Variants in CALHM5 observed in about 807,000 individuals in gnomAD.
CALHM5 encodes the protein calcium homeostasis modulator protein 5.
A neutral mutation model predicts 20.9 loss-of-function variants in CALHM5; 17 were observed. That is an observed-to-expected ratio of 0.82 (90% CI 0.56 to 1.22). The LOEUF is 1.22. Ranked by LOEUF, CALHM5 falls within the 50% of genes most tolerant of loss-of-function variation. The pLI is 0.00. For missense variants in CALHM5, 360 were observed against 364.6 expected (o/e 0.99, Z 0.10); for synonymous variants, 148 against 140.0 (o/e 1.06, Z -0.40).
In CALHM5 at chr6:116,517,866, G is replaced by C. The variant is rs1272424168; in HGVS notation, c.*1877G>C. 1 of 152,090 alleles carries C rather than the reference G, an allele frequency of 6.6e-6. No homozygotes were observed. Among genetic ancestry groups the C allele is most frequent in the Admixed American group, 6.5e-5 (1 of 15,270 alleles). The allele number at this position is 152,090 out of a possible 1,614,324, so 9.4% of individuals were successfully genotyped here. ...GCTGAAGGTTGAGTCGATCACAAAT[G>C]GATAATGATTTAATCAATCATGCCT... On this transcript the variant is annotated 3_prime_UTR_variant, in exon 2 of 2. Coordinates refer to ENST00000368599, the MANE Select transcript of CALHM5 (RefSeq NM_153711.5).
Position 116,516,837 on chromosome 6 carries a change from C to T in CALHM5, c.*848C>T, listed in dbSNP as rs998035033. On this transcript the variant is annotated 3_prime_UTR_variant, in exon 2 of 2. Coordinates refer to ENST00000368599, the MANE Select transcript of CALHM5 (RefSeq NM_153711.5). ...GAAATTAAAAACATTTTAGTGGGCCCTTACAAGTATTATGGTCCTTAGGCA... is the reference window on the plus strand; with the variant it reads ...GAAATTAAAAACATTTTAGTGGGCCTTTACAAGTATTATGGTCCTTAGGCA... 2.6e-4 allele frequency: 39 copies of T among 151,956 alleles called. No individual in the cohort carries two copies. The highest frequency in any genetic ancestry group is 9.2e-4 in the African/African-American group (38 of 41,426). The allele number at this position is 151,956 out of a possible 1,614,324, so 9.4% of individuals were successfully genotyped here.
At chr6:116,513,271 C>T (rs553849955) in intron 1 of CALHM5, among the ~76,000 whole-genome samples, 21 of 152,338 alleles carry the variant, frequency 1.4e-4, no homozygotes, top group South Asian at 4.1e-4. Flanking sequence ...GCAGTAAAGT[C>T]ATACTCTTCA....
Position 116,519,481 on chromosome 6 carries a change from C to G in CALHM5, c.*3492C>G, listed in dbSNP as rs1315224540. 1 of 152,148 alleles carries G rather than the reference C, an allele frequency of 6.6e-6. No homozygotes were observed. The highest frequency in any genetic ancestry group is 1.5e-5 in the Non-Finnish European group (1 of 68,040). The allele number at this position is 152,148 out of a possible 1,614,324, so 9.4% of individuals were successfully genotyped here. A position where few individuals can be genotyped will look rare whatever the true frequency, so the allele number is the denominator to read the frequency against. Reference sequence around the variant, plus strand: ...GATCCTCCAGAGGAGGTTACACTGCCGAACTGGGACATTGGCACCCTGGAT... The same window carrying G: ...GATCCTCCAGAGGAGGTTACACTGCGGAACTGGGACATTGGCACCCTGGAT... On this transcript the variant is annotated 3_prime_UTR_variant, in exon 2 of 2. Coordinates refer to ENST00000368599, the MANE Select transcript of CALHM5 (RefSeq NM_153711.5).
chr6:116,511,975 C>T lies in CALHM5; in HGVS notation c.279C>T (p.Ser93=), dbSNP rs1283282774. The T allele has an allele frequency of 6.2e-7, 1 of 1,613,956 alleles. No homozygotes were observed. Among genetic ancestry groups the T allele is most frequent in the Non-Finnish European group, 8.5e-7 (1 of 1,180,028 alleles). The change falls in exon 1 of 2, where the codon AGC becomes AGT. Residue 93 remains serine, a synonymous_variant. Coordinates refer to ENST00000368599, the MANE Select transcript of CALHM5 (RefSeq NM_153711.5). The stretch of plus-strand genomic sequence containing the variant: ...GGAAAATCTTTCCCAGAGGCCACAG[C>T]TGCCGTTTCTTCTACGTCCTCGGCC... The part of the protein sequence containing the change: ...NPRKIFPRGH[S]CRFFYVLGQI...
chr6:116,522,394 AT>A lies in CALHM5; in HGVS notation c.*6406del, dbSNP rs937680571. 9.9e-5 allele frequency: 15 copies of A among 152,244 alleles called. No individual in the cohort carries two copies. The highest frequency in any genetic ancestry group is 3.6e-4 in the African/African-American group (15 of 41,456). 9.4% of individuals were successfully genotyped at this position (152,244 alleles called of 1,614,324 possible). On this transcript the variant is annotated 3_prime_UTR_variant, in exon 2 of 2. Transcript: ENST00000368599. The stretch of plus-strand genomic sequence containing the variant: ...GAAGCGACAGAACCTGAACACTAAC[AT>A]GAAAATCAGAATTTATAAAAAGACA...
rs138558199 is a variant in CALHM5 at position 116,513,186 on chromosome 6, C to T, written c.540+950C>T. The stretch of plus-strand genomic sequence containing the variant: ...CAGAAATAGCATTATTTTACTTTTT[C>T]GACAAGGATTTGCCTTGGTAACAAC... On this transcript the variant is annotated intron_variant, in intron 1 of 1. Coordinates refer to ENST00000368599, the MANE Select transcript of CALHM5 (RefSeq NM_153711.5). Among the ~76,000 whole-genome samples the T allele has an allele frequency of 4.1e-3, 627 of 152,212 alleles. 5 individuals carry two copies. The highest frequency in any genetic ancestry group is 0.014 in the African/African-American group (584 of 41,528).
intron 1 of CALHM5, among the ~76,000 whole-genome samples, chr6:116,515,375 A>G (rs1188931441): frequency 6.6e-6 from 1 of 152,166 alleles, no homozygotes; most frequent in South Asian, 2.1e-4. Context: ...TGCACCAGCA[A>G]TGTTGGGGAG....
At chr6:116,512,676 T>A (rs1273355713) in intron 1 of CALHM5, among the ~76,000 whole-genome samples, 3 of 152,210 alleles carry the variant, frequency 2.0e-5, no homozygotes, top group African/African-American at 7.2e-5. Context: ...CTGAATGAAA[T>A]GAGTTATTAC....
In CALHM5 at chr6:116,521,679, A is replaced by G. The variant is rs897786450; in HGVS notation, c.*5690A>G. ...CAATCTTTTTTGGAAACACCCCTAC[A>G]TACATACCCAGAAATAATGCTTTAA... is the stretch of plus-strand genomic sequence containing the variant. On this transcript the variant is annotated 3_prime_UTR_variant, in exon 2 of 2. Transcript: ENST00000368599. 4 of 152,164 alleles carry G rather than the reference A, an allele frequency of 2.6e-5. No homozygotes were observed. Among genetic ancestry groups the G allele is most frequent in the Admixed American group, 1.3e-4 (2 of 15,268 alleles). The allele number at this position is 152,164 out of a possible 1,614,324, so 9.4% of individuals were successfully genotyped here.
chr6:116,520,119 A>G lies in CALHM5; in HGVS notation c.*4130A>G, dbSNP rs1184967339. The G allele has an allele frequency of 1.3e-5, 2 of 152,202 alleles. No individual in the cohort carries two copies. Among genetic ancestry groups the G allele is most frequent in the Non-Finnish European group, 2.9e-5 (2 of 68,036 alleles). The allele number at this position is 152,202 out of a possible 1,614,324, so 9.4% of individuals were successfully genotyped here. A position where few individuals can be genotyped will look rare whatever the true frequency, so the allele number is the denominator to read the frequency against. On this transcript the variant is annotated 3_prime_UTR_variant, in exon 2 of 2. Transcript: ENST00000368599. ...ACCTTTAAAGCATCACTAAAAATGT[A>G]TACATTTAATGAGAAAACGATGACA...
At position 116,511,826 on chromosome 6, in the gene CALHM5, A is replaced by G; in HGVS notation, c.130A>G (p.Ser44Gly). The part of the protein sequence containing the change: ...FSVVAFKCPC[S>G]TENMTYGLVF... Reference sequence around the variant, plus strand: ...TGTTGTGGCTTTTAAGTGCCCCTGCAGCACTGAGAATATGACCTATGGGCT... The same window carrying G: ...TGTTGTGGCTTTTAAGTGCCCCTGCGGCACTGAGAATATGACCTATGGGCT... The change falls in exon 1 of 2, where the codon AGC becomes GGC. Residue 44 changes from serine to glycine, a missense_variant. By Grantham distance (56) the Ser-to-Gly change is moderately conservative. Transcript: ENST00000368599. The G allele has an allele frequency of 6.2e-7, 1 of 1,614,078 alleles. No individual in the cohort carries two copies. Among genetic ancestry groups the G allele is most frequent in the Middle Eastern group, 1.6e-4 (1 of 6,062 alleles).
In CALHM5 at chr6:116,511,873, C is replaced by T. The variant is rs1374913689; in HGVS notation, c.177C>T (p.Ala59=). 2 of 1,613,950 alleles carry T rather than the reference C, an allele frequency of 1.2e-6. No individual in the cohort carries two copies. The highest frequency in any genetic ancestry group is 2.2e-5 in the East Asian group (1 of 44,898). The change falls in exon 1 of 2, where the codon GCC becomes GCT. Residue 59 remains alanine, a synonymous_variant. Coordinates refer to ENST00000368599, the MANE Select transcript of CALHM5 (RefSeq NM_153711.5). Reference sequence around the variant, plus strand: ...GGCTGGTTTTCCTCTTTGCTCCTGCCTGGGTGTTACTGATCCTGGGATTCT... The same window carrying T: ...GGCTGGTTTTCCTCTTTGCTCCTGCTTGGGTGTTACTGATCCTGGGATTCT... The part of the protein sequence containing the change: ...TYGLVFLFAP[A]WVLLILGFFL...
At chr6:116,514,981 T>C (rs1397321356) in intron 1 of CALHM5, among the ~76,000 whole-genome samples, 1 of 152,226 alleles carries the variant, frequency 6.6e-6, no homozygotes, top group African/African-American at 2.4e-5. Context: ...GGAGAAAAGC[T>C]GAACCATTTC....
At position 116,511,903 on chromosome 6, in the gene CALHM5, G is replaced by C. The variant is rs145677955; in HGVS notation, c.207G>C (p.Leu69=). The part of the protein sequence containing the change: ...AWVLLILGFF[L]NNRSWRLFTG... The stretch of plus-strand genomic sequence containing the variant: ...TGTTACTGATCCTGGGATTCTTTCT[G>C]AACAATAGGTCGTGGAGACTCTTCA... Residue 69 remains leucine (L), a synonymous_variant, in exon 1 of 2, where the codon CTG becomes CTC. Transcript: ENST00000368599. The C allele has an allele frequency of 6.2e-7, 1 of 1,613,974 alleles. No homozygotes were observed. The highest frequency in any genetic ancestry group is 1.3e-5 in the African/African-American group (1 of 74,994).
rs1361823189 is a variant in CALHM5, at chr6:116,523,327, G to A, written c.*7338G>A. On this transcript the variant is annotated 3_prime_UTR_variant, in exon 2 of 2. Transcript: ENST00000368599. The stretch of plus-strand genomic sequence containing the variant: ...AGTTTACTTCACATAAGTTTTACAT[G>A]TTTCTTGTAAACTCTATTTGTAGGT... 6.6e-6 allele frequency: 1 copy of A among 152,092 alleles called. No individual in the cohort carries two copies. Among genetic ancestry groups the A allele is most frequent in the Non-Finnish European group, 1.5e-5 (1 of 67,994 alleles). The allele number at this position is 152,092 out of a possible 1,614,324, so 9.4% of individuals were successfully genotyped here.
intron 1 of CALHM5, among the ~76,000 whole-genome samples, chr6:116,515,116 C>T (rs536719945): frequency 6.6e-6 from 1 of 152,252 alleles, no homozygotes; most frequent in East Asian, 1.9e-4. Context: ...CTGATTGTAT[C>T]GTCTGTCTCC....
Position 116,516,454 on chromosome 6 carries a change from G to A in CALHM5, c.*465G>A, listed in dbSNP as rs1302634411. ...CACTTTTAAGGATGTATGAAATTGT[G>A]GAATTCATTCCCTCAGGATCTGAAG... On this transcript the variant is annotated 3_prime_UTR_variant, in exon 2 of 2. Transcript: ENST00000368599. The A allele has an allele frequency of 6.6e-6, 1 of 152,112 alleles. No individual in the cohort carries two copies. Among genetic ancestry groups the A allele is most frequent in the African/African-American group, 2.4e-5 (1 of 41,310 alleles). 9.4% of individuals were successfully genotyped at this position (152,112 alleles called of 1,614,324 possible).
At position 116,514,339 on chromosome 6, in the gene CALHM5, T is replaced by C. The variant is rs578036214; in HGVS notation, c.541-1261T>C. On this transcript the variant is annotated intron_variant, in intron 1 of 1. Coordinates refer to ENST00000368599, the MANE Select transcript of CALHM5 (RefSeq NM_153711.5). ...AGACGATGAAGGAAGGAGGAACATA[T>C]AAGGTAGCCAACCACAATCCATTCA... Among the ~76,000 whole-genome samples, 9 of 152,286 alleles carry C rather than the reference T, an allele frequency of 5.9e-5. No homozygotes were observed. The East Asian group carries it at 1.3e-3, about 23-fold the overall frequency.
rs1198977627 is a variant in CALHM5, at chr6:116,516,708, T to TATATATACAC, written c.*720_*721insTATATACACA. 1 of 119,650 alleles carries TATATATACAC rather than the reference T, an allele frequency of 8.4e-6. No homozygotes were observed. The highest frequency in any genetic ancestry group is 3.5e-5 in the African/African-American group (1 of 28,486). The allele number at this position is 119,650 out of a possible 1,614,324, so 7.4% of individuals were successfully genotyped here. On this transcript the variant is annotated 3_prime_UTR_variant, in exon 2 of 2. Transcript: ENST00000368599. ...ATATATATATATATATATATATATA[T>TATATATACAC]ACACACACACAGAAATATATATTTA...
Sources: allele counts gnomAD v4.1 joint callset (sites outside exome capture counted in the v4.1 genomes callset), GRCh38; gene constraint gnomAD v4.1.1; transcripts MANE v1.5; gene names NCBI Gene and HGNC (gene_info 2026-07-23, HGNC 2026-07-21).